DPP10: variants seen among roughly 807,000 people sequenced by gnomAD.
The protein encoded by DPP10 is dipeptidyl peptidase like 10.
DPP10 carries 33 observed loss-of-function variants against 120.9 expected under a neutral mutation model. The ratio of observed to expected loss-of-function variants is 0.27; its 90% CI spans 0.21 to 0.37. DPP10 has a LOEUF of 0.37. Among genes scored for constraint, DPP10 ranks in the 10% least tolerant of loss-of-function variants. DPP10 has a pLI of 1.00. For missense variants in DPP10, 816 were observed against 942.8 expected, an observed-to-expected ratio of 0.87 and a Z score of 1.76; for synonymous variants, 337 against 326.1, an observed-to-expected ratio of 1.03 and a Z score of -0.36.
At chr2:114,720,937 G>T (rs1701665605) in intron 1 of DPP10, among the ~76,000 whole-genome samples, 1 of 152,190 alleles carries the variant, frequency 6.6e-6, no homozygotes, top group Non-Finnish European at 1.5e-5. Context: ...ATGCAAAGCT[G>T]TATAAAGTCA....
chr2:115,603,093 G>C (rs2083435517), intron 5 of DPP10, among the ~76,000 whole-genome samples: 2 of 150,726 alleles, frequency 1.3e-5, no homozygotes, highest in South Asian at 4.2e-4. Context: ...TCAACATGCT[G>C]AATGTTATCA....
At chr2:115,374,735 C>T (rs2065660848) in intron 3 of DPP10, among the ~76,000 whole-genome samples, 1 of 152,218 alleles carries the variant, frequency 6.6e-6, no homozygotes, top group Non-Finnish European at 1.5e-5. Flanking sequence ...GCAGGCCCAA[C>T]ACCATGTGGA....
intron 3 of DPP10, among the ~76,000 whole-genome samples, chr2:115,473,263 G>A (rs1426829260): frequency 2.0e-5 from 3 of 152,140 alleles, no homozygotes; most frequent in African/African-American, 7.2e-5. Flanking sequence ...TTGAGCCAGG[G>A]TTAGTAAGTT....
At chr2:115,067,438 G>C (rs1458054252) in intron 1 of DPP10, among the ~76,000 whole-genome samples, 1 of 151,056 alleles carries the variant, frequency 6.6e-6, no homozygotes, top group Admixed American at 6.6e-5. Context: ...TTTTTTGATA[G>C]AGACGGGGTT....
intron 5 of DPP10, among the ~76,000 whole-genome samples, chr2:115,601,482 CG>C (rs1224233691): frequency 1.3e-5 from 2 of 152,004 alleles, no homozygotes; most frequent in East Asian, 3.9e-4. Context: ...GATTCTGTAA[CG>C]TAGATAAATA....
intron 1 of DPP10, among the ~76,000 whole-genome samples, chr2:115,017,707 A>C (rs1459969561): frequency 6.6e-6 from 1 of 152,182 alleles, no homozygotes; most frequent in East Asian, 1.9e-4. Flanking sequence ...CTTCATAGGG[A>C]CATGGATGAA....
chr2:114,732,994 C>T (rs1188549134), intron 1 of DPP10, among the ~76,000 whole-genome samples: 1 of 152,154 alleles, frequency 6.6e-6, no homozygotes, highest in Non-Finnish European at 1.5e-5. Context: ...CCCACTGCTG[C>T]CTTCAAGCTA....
Position 114,738,845 on chromosome 2 carries a change from C to T in DPP10, c.60+296007C>T, listed in dbSNP as rs546869617. Among the ~76,000 whole-genome samples, 49 of 152,212 alleles carry T rather than the reference C, an allele frequency of 3.2e-4. No homozygotes were observed. In the South Asian group the frequency reaches 7.9e-3, roughly 24 times the overall value. ...TGTGGTAATTGTCCTGGAATCCTTC[C>T]GCAATTCTATTCTTTCTCCTCTTCA... On this transcript the variant is annotated intron_variant, in intron 1 of 25. Coordinates refer to ENST00000410059, the MANE Select transcript of DPP10 (RefSeq NM_020868.6).
At chr2:115,538,495 T>C (rs756887005) in intron 5 of DPP10, among the ~76,000 whole-genome samples, 2 of 151,998 alleles carry the variant, frequency 1.3e-5, no homozygotes, top group Non-Finnish European at 2.9e-5. Context: ...AGAGGGTTGA[T>C]TTACAGATAA....
intron 5 of DPP10, among the ~76,000 whole-genome samples, chr2:115,535,123 C>A (rs933143293): frequency 4.6e-5 from 7 of 151,970 alleles, no homozygotes; most frequent in Non-Finnish European, 8.8e-5. Flanking sequence ...TTAATTAGAT[C>A]CCATTTGTCA....
At chr2:114,802,007 T>C (rs1457826715) in intron 1 of DPP10, among the ~76,000 whole-genome samples, 1 of 152,240 alleles carries the variant, frequency 6.6e-6, no homozygotes, top group Admixed American at 6.5e-5. Context: ...TTCACTCAGT[T>C]TCTCTAATTC....
At chr2:114,596,197 T>C (rs1361659680) in intron 1 of DPP10, among the ~76,000 whole-genome samples, 1 of 152,036 alleles carries the variant, frequency 6.6e-6, no homozygotes, top group Non-Finnish European at 1.5e-5. Context: ...TTCTTGAAAA[T>C]TGTGGAGGAA....
At chr2:114,514,786 CT>C (rs145530478) in intron 1 of DPP10, among the ~76,000 whole-genome samples, 2 of 148,196 alleles carry the variant, frequency 1.3e-5, no homozygotes, top group East Asian at 2.0e-4. Flanking sequence ...TTTTTTGTTC[CT>C]TTTTTTTTCC....
At chr2:115,012,708 T>C (rs992297543) in intron 1 of DPP10, among the ~76,000 whole-genome samples, 3 of 152,156 alleles carry the variant, frequency 2.0e-5, no homozygotes, top group Non-Finnish European at 2.9e-5. Flanking sequence ...AGATCTTCTC[T>C]CTGACATAGA....
intron 1 of DPP10, among the ~76,000 whole-genome samples, chr2:114,647,266 G>T (rs1477810150): frequency 6.6e-6 from 1 of 152,180 alleles, no homozygotes; most frequent in African/African-American, 2.4e-5. Flanking sequence ...GGGGGAGAAA[G>T]AATTTCCCAT....
At chr2:115,724,807 G>C (rs2092727226) in intron 7 of DPP10, among the ~76,000 whole-genome samples, 1 of 152,200 alleles carries the variant, frequency 6.6e-6, no homozygotes, top group Non-Finnish European at 1.5e-5. Flanking sequence ...CGGCTTCTGG[G>C]AAGGCCTCAC....
intron 1 of DPP10, among the ~76,000 whole-genome samples, chr2:115,004,237 C>T (rs181861504): frequency 3.3e-5 from 5 of 152,196 alleles, no homozygotes; most frequent in South Asian, 4.2e-4. Context: ...AGAAATAAGA[C>T]GTGGTGTTTG....
chr2:114,477,150 G>A (rs971049970), intron 1 of DPP10, among the ~76,000 whole-genome samples: 4 of 151,800 alleles, frequency 2.6e-5, no homozygotes, highest in African/African-American at 9.7e-5. Context: ...GTAGAGGCAT[G>A]GTTTCACCAT....
At chr2:114,519,503 A>G (rs957797142) in intron 1 of DPP10, among the ~76,000 whole-genome samples, 1 of 152,226 alleles carries the variant, frequency 6.6e-6, no homozygotes, top group Non-Finnish European at 1.5e-5. Flanking sequence ...ACATGTGACA[A>G]AGACATTTCC....
Sources: gnomAD v4.1 joint callset for allele counts (sites outside exome capture counted in the v4.1 genomes callset) on GRCh38, gnomAD v4.1.1 for gene constraint, MANE v1.5 for transcripts, NCBI Gene and HGNC (gene_info 2026-07-23, HGNC 2026-07-21) for gene names.